The following TMEM132D variants were observed in gnomAD, a reference collection of about 807,000 sequenced individuals.
TMEM132D encodes transmembrane protein 132D, also known as mature OL transmembrane protein.
Under a neutral mutation model 62.3 loss-of-function variants are expected in TMEM132D, and 21 were observed. The observed-to-expected ratio is 0.34, with a 90% CI of 0.24 to 0.49. TMEM132D has a LOEUF of 0.49. TMEM132D is among the 20% of genes least tolerant of loss of function. The pLI is 0.99. For synonymous variants in TMEM132D, 621 were observed against 575.6 expected (o/e 1.08, Z -1.13); for missense variants, 1,346 against 1,402.8 (o/e 0.96, Z 0.65).
chr12:129,100,496 C>T (rs1159409072), intron 5 of TMEM132D, among the ~76,000 whole-genome samples: 3 of 152,196 alleles, frequency 2.0e-5, no homozygotes, highest in East Asian at 1.9e-4. Flanking sequence ...TTATGTCTGA[C>T]TGATGCAGTG....
At chr12:129,540,855 C>G (rs776336474) in intron 2 of TMEM132D, among the ~76,000 whole-genome samples, 9 of 152,188 alleles carry the variant, frequency 5.9e-5, no homozygotes. Context: ...GGCTGGGTCT[C>G]AAACTGGCTT....
intron 1 of TMEM132D, among the ~76,000 whole-genome samples, chr12:129,866,126 G>T (rs1267135134): frequency 6.6e-6 from 1 of 152,112 alleles, no homozygotes; most frequent in Non-Finnish European, 1.5e-5. Context: ...ATATGAAAAA[G>T]GGTTCGACAT....
At chr12:129,361,987 C>T (rs1345368718) in intron 3 of TMEM132D, among the ~76,000 whole-genome samples, 3 of 152,132 alleles carry the variant, frequency 2.0e-5, no homozygotes, top group South Asian at 4.1e-4. Flanking sequence ...GGAGCATTCA[C>T]GATCTTGTTT....
Position 129,081,792 on chromosome 12 carries a change from C to A in TMEM132D, c.1890G>T (p.Leu630=), listed in dbSNP as rs924390782. 1 of 1,611,526 alleles carries A rather than the reference C, an allele frequency of 6.2e-7. No individual in the cohort carries two copies. The highest frequency in any genetic ancestry group is 8.5e-7 in the Non-Finnish European group (1 of 1,179,346). The change falls in exon 7 of 9, where the codon CTG becomes CTT. Residue 630 remains leucine, a synonymous_variant. Coordinates refer to ENST00000422113, the MANE Select transcript of TMEM132D (RefSeq NM_133448.3). ...TGGTCATCCCAAGCTCCTGCCCCAT[C>A]AGGATCTGTCCGCCTTGCAGCTTGG... is the stretch of plus-strand genomic sequence containing the variant. The part of the protein sequence containing the change: ...RIAKLQGGQI[L]MGQELGMTTI...
chr12:129,561,627 G>A (rs1377822938), intron 2 of TMEM132D, among the ~76,000 whole-genome samples: 1 of 152,206 alleles, frequency 6.6e-6, no homozygotes, highest in Non-Finnish European at 1.5e-5. Flanking sequence ...ATTAAGGGCT[G>A]AGGTTTTCAA....
chr12:129,873,436 C>T (rs1173163302), intron 1 of TMEM132D, among the ~76,000 whole-genome samples: 1 of 152,160 alleles, frequency 6.6e-6, no homozygotes, highest in Non-Finnish European at 1.5e-5. Context: ...AGACTGCCGT[C>T]GCCTACATTA....
chr12:129,697,121 C>T (rs1881227117), intron 2 of TMEM132D, among the ~76,000 whole-genome samples: 1 of 152,176 alleles, frequency 6.6e-6, no homozygotes, highest in Non-Finnish European at 1.5e-5. Context: ...TGGTCAGTCG[C>T]TATCAACAAA....
At chr12:129,286,622 G>A (rs1031233208) in intron 4 of TMEM132D, among the ~76,000 whole-genome samples, 8 of 152,210 alleles carry the variant, frequency 5.3e-5, no homozygotes, top group Non-Finnish European at 8.8e-5. Flanking sequence ...TAGGTTGGGA[G>A]CATGTGCTGG....
chr12:129,188,310 G>A (rs1878275940), intron 5 of TMEM132D, among the ~76,000 whole-genome samples: 3 of 152,114 alleles, frequency 2.0e-5, no homozygotes, highest in South Asian at 2.1e-4. Context: ...GTCACCTCTC[G>A]ACACCTAGCC....
chr12:129,230,225 C>G (rs1879597499), intron 4 of TMEM132D, among the ~76,000 whole-genome samples: 1 of 150,306 alleles, frequency 6.7e-6, no homozygotes, highest in Non-Finnish European at 1.5e-5. Context: ...CTTCCCCAGC[C>G]TGGCCATCCC....
rs182936613 is a variant in TMEM132D, at chr12:129,598,055, A to G, written c.969-66850T>C. On this transcript the variant is annotated intron_variant, in intron 2 of 8. Coordinates refer to ENST00000422113, the MANE Select transcript of TMEM132D (RefSeq NM_133448.3). ...CCATGACATACTTGCAAAAACAACA[A>G]CAACAACAACAAAAAACTACAAAGG... Among the ~76,000 whole-genome samples, 215 of 152,312 alleles carry G rather than the reference A, an allele frequency of 1.4e-3. 1 individual carries two copies. The highest frequency in any genetic ancestry group is 2.5e-3 in the Non-Finnish European group (168 of 68,036).
rs369390977 is a variant in TMEM132D, at chr12:129,619,589, C to T, written c.968+80221G>A. Among the ~76,000 whole-genome samples, 331 of 152,278 alleles carry T rather than the reference C, an allele frequency of 2.2e-3. 13 individuals carry two copies. The South Asian group carries it at 0.066, about 31-fold the overall frequency. ...ACCACCCATTTGATTTTTTAACTTC[C>T]GCCAAATTGCCTTCATTTAAACTCA... On this transcript the variant is annotated intron_variant, in intron 2 of 8. Transcript: ENST00000422113.
chr12:129,676,567 G>A (rs777542961), intron 2 of TMEM132D, among the ~76,000 whole-genome samples: 2 of 152,142 alleles, frequency 1.3e-5, no homozygotes, highest in Admixed American at 6.5e-5. Context: ...TTCACATGGC[G>A]AGAGCGGGAG....
intron 1 of TMEM132D, among the ~76,000 whole-genome samples, chr12:129,774,851 G>A (rs901768978): frequency 4.6e-5 from 7 of 152,110 alleles, no homozygotes; most frequent in South Asian, 2.1e-4. Flanking sequence ...TACCGCTTTC[G>A]GCAGCATGAC....
At chr12:129,077,205 G>A (rs1335509760) in intron 8 of TMEM132D, among the ~76,000 whole-genome samples, 1 of 152,218 alleles carries the variant, frequency 6.6e-6, no homozygotes, top group Non-Finnish European at 1.5e-5. Flanking sequence ...CATGGCCACA[G>A]CCGCAGCTGG....
intron 5 of TMEM132D, among the ~76,000 whole-genome samples, chr12:129,147,910 A>G (rs1390991057): frequency 6.6e-6 from 1 of 152,190 alleles, no homozygotes; most frequent in Non-Finnish European, 1.5e-5. Flanking sequence ...GCCTAAACCA[A>G]CTTTCGTGTG....
intron 1 of TMEM132D, among the ~76,000 whole-genome samples, chr12:129,878,766 A>G (rs911595245): frequency 6.6e-6 from 1 of 151,984 alleles, no homozygotes. Flanking sequence ...AAAGGGTTTC[A>G]CCATGTTGGC....
At chr12:129,282,490 C>G (rs904854334) in intron 4 of TMEM132D, among the ~76,000 whole-genome samples, 1 of 152,134 alleles carries the variant, frequency 6.6e-6, no homozygotes, top group Non-Finnish European at 1.5e-5. Context: ...CAGATGAACA[C>G]CAGCTACGAT....
intron 1 of TMEM132D, among the ~76,000 whole-genome samples, chr12:129,815,381 C>T (rs1872315774): frequency 6.6e-6 from 1 of 152,216 alleles, no homozygotes; most frequent in African/African-American, 2.4e-5. Flanking sequence ...AAGTAATTCC[C>T]TGCCACTTCT....
Sources: gnomAD v4.1 joint callset for allele counts (sites outside exome capture counted in the v4.1 genomes callset) on GRCh38, gnomAD v4.1.1 for gene constraint, MANE v1.5 for transcripts, NCBI Gene and HGNC (gene_info 2026-07-23, HGNC 2026-07-21) for gene names.